Variants in DLGAP4 observed in about 807,000 individuals in gnomAD.
The protein encoded by DLGAP4 is disks large-associated protein 4.
In DLGAP4, 18 loss-of-function variants were observed where a neutral mutation model predicts 86.9. The observed-to-expected ratio is 0.21, with a 90% CI of 0.14 to 0.31. DLGAP4 has a LOEUF of 0.31. Among genes scored for constraint, DLGAP4 ranks in the 10% least tolerant of loss-of-function variants. DLGAP4 has a pLI of 1.00. For missense variants in DLGAP4, 1,085 were observed against 1,362.6 expected, an observed-to-expected ratio of 0.80 and a Z score of 3.21; for synonymous variants, 548 against 574.3, an observed-to-expected ratio of 0.95 and a Z score of 0.65.
chr20:36,345,167 C>G (rs2029896818), intron 1 of DLGAP4, among the ~76,000 whole-genome samples: 1 of 152,180 alleles, frequency 6.6e-6, no homozygotes, highest in South Asian at 2.1e-4. Context: ...CTGGAAGGTT[C>G]CCAGGTATCA....
rs571382171 is a variant in DLGAP4 at position 36,331,376 on chromosome 20, T to A, written c.-304+24864T>A. Among the ~76,000 whole-genome samples the A allele has an allele frequency of 2.0e-4, 30 of 152,334 alleles. No homozygotes were observed. In the South Asian group the frequency reaches 5.8e-3, roughly 29 times the overall value. ...AGCTGCCCCTCCTCCAGCTCACCGA[T>A]GGCCTTGGAGGGAGCAGGACCAACA... On this transcript the variant is annotated intron_variant, in intron 1 of 12. Transcript: ENST00000339266.
intron 2 of DLGAP4, among the ~76,000 whole-genome samples, chr20:36,402,110 CAT>C (rs1311967039): frequency 6.6e-6 from 1 of 152,206 alleles, no homozygotes; most frequent in Non-Finnish European, 1.5e-5. Context: ...CAGGAAGACA[CAT>C]GTCATGCCAG....
intron 7 of DLGAP4, among the ~76,000 whole-genome samples, chr20:36,467,128 A>G (rs79457219): frequency 6.7e-6 from 1 of 150,348 alleles, no homozygotes; most frequent in Non-Finnish European, 1.5e-5. Context: ...ATGGGGATTA[A>G]TAGACAGACA....
chr20:36,525,246 A>AC, intron 11 of DLGAP4, among the ~76,000 whole-genome samples: 1 of 74,608 alleles, frequency 1.3e-5, no homozygotes, highest in African/African-American at 3.4e-5. Context: ...AAAAAAAAAA[A>AC]AAAAAAAACA....
chr20:36,371,756 T>G (rs1415372725), intron 2 of DLGAP4, among the ~76,000 whole-genome samples: 2 of 148,102 alleles, frequency 1.4e-5, no homozygotes, highest in Non-Finnish European at 1.5e-5. Flanking sequence ...GAGGTTTTTG[T>G]TTTTTTTTTT....
chr20:36,446,664 C>A, intron 6 of DLGAP4, 33 bp from the exon 7 acceptor site: 3 of 1,569,102 alleles, frequency 1.9e-6, no homozygotes, highest in Non-Finnish European at 2.6e-6. Flanking sequence ...GGCAAGATAG[C>A]CAGCTCCCTC....
chr20:36,513,371 A>G (rs1266386533), intron 10 of DLGAP4, among the ~76,000 whole-genome samples: 1 of 146,274 alleles, frequency 6.8e-6, no homozygotes, highest in Non-Finnish European at 1.5e-5. Context: ...ACAAGGTGAA[A>G]CCCCGTCTCT....
intron 10 of DLGAP4, among the ~76,000 whole-genome samples, chr20:36,504,754 G>A (rs1458674220): frequency 6.6e-6 from 1 of 152,192 alleles, no homozygotes; most frequent in Non-Finnish European, 1.5e-5. Flanking sequence ...TTTCCCTTAT[G>A]ATATTGAGCA....
intron 1 of DLGAP4, among the ~76,000 whole-genome samples, chr20:36,361,449 A>G (rs1213972053): frequency 1.3e-5 from 2 of 152,168 alleles, no homozygotes; most frequent in Non-Finnish European, 2.9e-5. Context: ...TTTTTGTGTC[A>G]GCAAGGATTT....
intron 2 of DLGAP4, among the ~76,000 whole-genome samples, chr20:36,375,115 G>A (rs568932032): frequency 9.2e-5 from 14 of 152,306 alleles, no homozygotes; most frequent in East Asian, 5.8e-4. Flanking sequence ...ATGTGACAAC[G>A]CAGAGCAAGT....
chr20:36,509,832 G>A (rs1042869333), intron 10 of DLGAP4, among the ~76,000 whole-genome samples: 6 of 151,814 alleles, frequency 4.0e-5, no homozygotes, highest in East Asian at 1.9e-4. Flanking sequence ...ATAATATGAC[G>A]AATATTTTCT....
chr20:36,386,864 A>G (rs1391073586), intron 2 of DLGAP4, among the ~76,000 whole-genome samples: 3 of 152,218 alleles, frequency 2.0e-5, no homozygotes, highest in Non-Finnish European at 4.4e-5. Flanking sequence ...TACATAAATT[A>G]TATCATAATC....
rs1479733244 is a variant in DLGAP4 at position 36,308,050 on chromosome 20, CGGCTGTCGG to C, written c.-304+1542_-304+1550del. ...TGGAGCCACCACCAGGCCCTAGAGC[CGGCTGTCGG>C]GGCCAGTCAGCAGCAGACTCCGAGT... On this transcript the variant is annotated intron_variant, in intron 1 of 12. Transcript: ENST00000339266. This position sits in a 1 kb window ranked among gnomAD's most constrained non-coding sequence, Gnocchi z 4.5. Among the ~76,000 whole-genome samples the C allele has an allele frequency of 6.6e-6, 1 of 152,230 alleles. No individual in the cohort carries two copies. Among genetic ancestry groups the C allele is most frequent in the Non-Finnish European group, 1.5e-5 (1 of 68,042 alleles).
chr20:36,392,889 G>A (rs1025746699), intron 2 of DLGAP4, among the ~76,000 whole-genome samples: 1 of 151,790 alleles, frequency 6.6e-6, no homozygotes, highest in African/African-American at 2.4e-5. Flanking sequence ...GGGTGAGAGA[G>A]GTGTCTCTGA....
At chr20:36,366,396 G>A (rs1360861346) in intron 1 of DLGAP4, among the ~76,000 whole-genome samples, 1 of 152,186 alleles carries the variant, frequency 6.6e-6, no homozygotes, top group African/African-American at 2.4e-5. Context: ...GGCAGGAGCA[G>A]TGACACCTGT....
chr20:36,484,653 T>G (rs1218756949), intron 7 of DLGAP4, among the ~76,000 whole-genome samples: 1 of 152,240 alleles, frequency 6.6e-6, no homozygotes, highest in Non-Finnish European at 1.5e-5. Context: ...GAGACACCAC[T>G]AGAAGTTCCT....
intron 1 of DLGAP4, 116 bp from the exon 2 acceptor site, chr20:36,366,929 A>G (rs2030708480): frequency 6.6e-6 from 1 of 152,204 alleles, no homozygotes; most frequent in Non-Finnish European, 1.5e-5. Flanking sequence ...TTGGGTTTCT[A>G]TGACCACTGC....
chr20:36,321,634 C>G (rs1297422387), intron 1 of DLGAP4, among the ~76,000 whole-genome samples: 2 of 152,232 alleles, frequency 1.3e-5, no homozygotes, highest in African/African-American at 4.8e-5. Flanking sequence ...TGCTTGTGAG[C>G]TGGGTGACCT....
chr20:36,520,169 A>G (rs767686162), intron 10 of DLGAP4, among the ~76,000 whole-genome samples: 35 of 152,092 alleles, frequency 2.3e-4, no homozygotes, highest in Non-Finnish European at 8.8e-5. Context: ...TGTTGAGCAT[A>G]TTTACTGAAC....
Sources: allele counts gnomAD v4.1 joint callset (sites outside exome capture counted in the v4.1 genomes callset), GRCh38; gene constraint gnomAD v4.1.1; non-coding constraint Gnocchi (gnomAD v3.1); transcripts MANE v1.5; gene names NCBI Gene and HGNC (gene_info 2026-07-23, HGNC 2026-07-21).